RCBTB1: variants seen among roughly 807,000 people sequenced by gnomAD.
RCBTB1 encodes RCC1 and BTB domain-containing protein 1.
Under a neutral mutation model 62.4 loss-of-function variants are expected in RCBTB1, and 46 were observed. The observed-to-expected ratio is 0.74, with a 90% CI of 0.58 to 0.94. The LOEUF (loss-of-function observed/expected upper bound fraction) is 0.94, where lower values mean the gene tolerates loss of function less well. RCBTB1 is among the 40% of genes least tolerant of loss of function. The pLI is 0.00. For missense variants in RCBTB1, 565 were observed against 654.9 expected (o/e 0.86, Z 1.50); for synonymous variants, 222 against 245.8 (o/e 0.90, Z 0.91).
intron 2 of RCBTB1, among the ~76,000 whole-genome samples, chr13:49,579,027 C>T (rs1366780478): frequency 6.6e-6 from 1 of 152,190 alleles, no homozygotes; most frequent in Non-Finnish European, 1.5e-5. Flanking sequence ...AAGGTACAAA[C>T]AGCCAAATGT....
chr13:49,543,707 T>C (rs916127542), intron 10 of RCBTB1, among the ~76,000 whole-genome samples: 1 of 152,188 alleles, frequency 6.6e-6, no homozygotes, highest in African/African-American at 2.4e-5. Context: ...AAAAACTTTT[T>C]TTTTCATTTT....
intron 5 of RCBTB1, among the ~76,000 whole-genome samples, chr13:49,556,409 C>G (rs2139208215): frequency 6.6e-6 from 1 of 152,194 alleles, no homozygotes; most frequent in East Asian, 1.9e-4. Flanking sequence ...CCAGGATGGT[C>G]TCGATCTCCT....
Position 49,552,223 on chromosome 13 carries a change from C to A in RCBTB1, c.666G>T (p.Leu222=). Residue 222 remains leucine (L), a synonymous_variant, in exon 7 of 13, where the codon CTG becomes CTT. Transcript: ENST00000378302. ...QLGLGNNGNQ[L]TPVRVAALHS... ...GCAAAGCTGCCACTCTCACAGGGGT[C>A]AGCTGGTTGCCATTGTTTCCCAGGC... 6.3e-7 allele frequency: 1 copy of A among 1,597,444 alleles called. No individual in the cohort carries two copies. The highest frequency in any genetic ancestry group is 1.1e-5 in the South Asian group (1 of 88,034).
At chr13:49,565,385 C>A (rs910237435) in intron 4 of RCBTB1, among the ~76,000 whole-genome samples, 2 of 152,108 alleles carry the variant, frequency 1.3e-5, no homozygotes, top group Non-Finnish European at 2.9e-5. Flanking sequence ...CTCCCAGCTG[C>A]CTGCCTTGGC....
At chr13:49,581,745 G>A (rs894042254) in intron 1 of RCBTB1, among the ~76,000 whole-genome samples, 17 of 152,198 alleles carry the variant, frequency 1.1e-4, no homozygotes, top group Non-Finnish European at 7.3e-5. Context: ...ACAGAGATCT[G>A]GGGACTTGAG....
At position 49,549,487 on chromosome 13, in the gene RCBTB1, G is replaced by A. The variant is rs763200325; in HGVS notation, c.1016C>T (p.Pro339Leu). ...TDDVFACFAT[P>L]AVSWRLLSVE... is the part of the protein sequence containing the mutation. ...AGACAGGAGGCGCCACGAGACGGCG[G>A]GAGTGGCAAAGCAGGCAAACACGTC... is the stretch of plus-strand genomic sequence containing the variant. The change falls in exon 9 of 13, where the codon CCC becomes CTC. Residue 339 changes from proline to leucine, a missense_variant. Pro to Leu is a moderately conservative substitution (Grantham distance 98). Coordinates refer to ENST00000378302, the MANE Select transcript of RCBTB1 (RefSeq NM_018191.4). The A allele has an allele frequency of 1.2e-5, 20 of 1,612,800 alleles. No homozygotes were observed. Among genetic ancestry groups the A allele is most frequent in the Admixed American group, 1.7e-5 (1 of 59,932 alleles).
At chr13:49,538,685 C>G (rs760231312) in intron 12 of RCBTB1, among the ~76,000 whole-genome samples, 6 of 151,804 alleles carry the variant, frequency 4.0e-5, no homozygotes, top group Non-Finnish European at 8.8e-5. Flanking sequence ...CACTGTGCTT[C>G]AGCCTGGGCA....
In RCBTB1 at chr13:49,560,010, G is replaced by C. The variant is rs17853794; in HGVS notation, c.352C>G (p.Pro118Ala). ...GNGTTNQGIA[P>A]VQVCTNLLIK... Reference sequence around the variant, plus strand: ...AAGAGATTGGTACAGACCTGGACGGGAGCAATGCCTTGGTTGGTCGTCCCA... The same window carrying C: ...AAGAGATTGGTACAGACCTGGACGGCAGCAATGCCTTGGTTGGTCGTCCCA... The change falls in exon 5 of 13, where the codon CCC becomes GCC. Residue 118 changes from proline to alanine, a missense_variant. Pro to Ala is a conservative substitution (Grantham distance 27, BLOSUM62 -1). Coordinates refer to ENST00000378302, the MANE Select transcript of RCBTB1 (RefSeq NM_018191.4). The C allele has an allele frequency of 1.9e-6, 3 of 1,614,066 alleles. No individual in the cohort carries two copies. In the African/African-American group the frequency reaches 4.0e-5, roughly 22 times the overall value.
intron 1 of RCBTB1, among the ~76,000 whole-genome samples, chr13:49,581,156 G>C (rs1370975856): frequency 6.6e-6 from 1 of 152,136 alleles, no homozygotes; most frequent in East Asian, 1.9e-4. Context: ...AACAGATGTA[G>C]GTCTATGAAA....
chr13:49,534,713 T>G (rs1185174809), intron 12 of RCBTB1, among the ~76,000 whole-genome samples: 1 of 152,156 alleles, frequency 6.6e-6, no homozygotes, highest in Admixed American at 6.5e-5. Context: ...AATGAAGAGA[T>G]ATGGTCAACC....
At chr13:49,581,868 G>A (rs1383803397) in intron 1 of RCBTB1, among the ~76,000 whole-genome samples, 1 of 152,240 alleles carries the variant, frequency 6.6e-6, no homozygotes, top group Non-Finnish European at 1.5e-5. Context: ...ACCTTAACAA[G>A]AACAGTTTCA....
intron 12 of RCBTB1, among the ~76,000 whole-genome samples, chr13:49,535,504 G>A (rs986033320): frequency 6.6e-6 from 1 of 152,182 alleles, no homozygotes; most frequent in African/African-American, 2.4e-5. Flanking sequence ...CGAACCAGAA[G>A]CTCAACATTT....
At chr13:49,535,342 A>G (rs1333336877) in intron 12 of RCBTB1, among the ~76,000 whole-genome samples, 1 of 152,150 alleles carries the variant, frequency 6.6e-6, no homozygotes, top group African/African-American at 2.4e-5. Flanking sequence ...GGATGTTGGA[A>G]TATATATTTA....
intron 2 of RCBTB1, among the ~76,000 whole-genome samples, chr13:49,568,445 A>G (rs2137327619): frequency 6.6e-6 from 1 of 152,318 alleles, no homozygotes; most frequent in South Asian, 2.1e-4. Flanking sequence ...TCTAATAGCT[A>G]TTTTACTGTT....
chr13:49,561,883 G>A (rs948137379), intron 4 of RCBTB1, among the ~76,000 whole-genome samples: 1 of 151,402 alleles, frequency 6.6e-6, no homozygotes, highest in Non-Finnish European at 1.5e-5. Context: ...CTTGAGGTCA[G>A]GAGTTCAAGA....
chr13:49,539,184 C>T (rs991327878), intron 12 of RCBTB1, among the ~76,000 whole-genome samples: 10 of 151,006 alleles, frequency 6.6e-5, no homozygotes, highest in African/African-American at 2.2e-4. Context: ...TTTTTAAGCA[C>T]ACCTTCATGG....
intron 5 of RCBTB1, among the ~76,000 whole-genome samples, chr13:49,558,335 C>T (rs1962118228): frequency 1.3e-5 from 2 of 152,158 alleles, no homozygotes; most frequent in Non-Finnish European, 2.9e-5. Context: ...CAACCCTGAA[C>T]TGGAACAAAC....
At chr13:49,547,175 CAA>C (rs3039280) in intron 9 of RCBTB1, 142 of 1,086,566 alleles carry the variant, frequency 1.3e-4, no homozygotes, top group African/African-American at 2.2e-4. Context: ...ATACTCACTG[CAA>C]AAAAAAAAAA....
chr13:49,575,020 A>T (rs999988591), intron 2 of RCBTB1, among the ~76,000 whole-genome samples: 3 of 152,204 alleles, frequency 2.0e-5, no homozygotes, highest in African/African-American at 7.2e-5. Context: ...AGAACAGTCA[A>T]ATTCATGGAG....
Sources: allele counts gnomAD v4.1 joint callset (sites outside exome capture counted in the v4.1 genomes callset), GRCh38; gene constraint gnomAD v4.1.1; transcripts MANE v1.5; gene names NCBI Gene and HGNC (gene_info 2026-07-23, HGNC 2026-07-21).